The following EGFLAM variants were observed in gnomAD, a reference collection of about 807,000 sequenced individuals.
EGFLAM encodes the protein EGF like, fibronectin type III and laminin G domains, also known as pikachurin.
A neutral mutation model predicts 113.1 loss-of-function variants in EGFLAM; 79 were observed. The observed-to-expected ratio is 0.70, with a 90% CI of 0.58 to 0.84. The LOEUF is 0.84. Among genes scored for constraint, EGFLAM ranks in the 40% least tolerant of loss-of-function variants. The pLI, the probability that EGFLAM is intolerant of heterozygous loss-of-function variation, is 0.00. For missense variants in EGFLAM, 1,265 were observed against 1,291.6 expected (o/e 0.98, Z 0.32); for synonymous variants, 504 against 487.6 (o/e 1.03, Z -0.44).
chr5:38,342,106 A>G (rs73073484), intron 3 of EGFLAM, among the ~76,000 whole-genome samples: 3,463 of 152,262 alleles, frequency 0.023, 140 homozygotes, highest in African/African-American at 0.079. Context: ...AGGCTCAGTG[A>G]AGAGTGCCTA....
chr5:38,287,326 C>T (rs754824299), intron 1 of EGFLAM, among the ~76,000 whole-genome samples: 1 of 152,184 alleles, frequency 6.6e-6, no homozygotes, highest in Non-Finnish European at 1.5e-5. Flanking sequence ...CGTATATGTG[C>T]CTAGCACAGA....
At chr5:38,427,301 T>C (rs1268863193) in intron 14 of EGFLAM, 49 bp downstream of exon 14, 1 of 1,591,100 alleles carries the variant, frequency 6.3e-7, no homozygotes, top group South Asian at 1.1e-5. Flanking sequence ...AGGCAAATAG[T>C]AACTGCTTCA....
At chr5:38,414,601 A>G (rs188195693) in intron 11 of EGFLAM, among the ~76,000 whole-genome samples, 155 of 152,354 alleles carry the variant, frequency 1.0e-3, no homozygotes, top group Non-Finnish European at 3.7e-4. Flanking sequence ...CGAGAGGATT[A>G]CATTCACATC....
chr5:38,333,614 GT>G (rs1366867701), intron 1 of EGFLAM, among the ~76,000 whole-genome samples: 1 of 152,048 alleles, frequency 6.6e-6, no homozygotes, highest in Non-Finnish European at 1.5e-5. Context: ...TGAGATGTGT[GT>G]TCGTGTCCTT....
At chr5:38,374,851 A>G (rs940658108) in intron 6 of EGFLAM, among the ~76,000 whole-genome samples, 1 of 152,226 alleles carries the variant, frequency 6.6e-6, no homozygotes, top group African/African-American at 2.4e-5. Context: ...AGCAAGATGG[A>G]GTCAGTTAAG....
At chr5:38,261,961 C>T (rs542812262) in intron 1 of EGFLAM, among the ~76,000 whole-genome samples, 1 of 152,298 alleles carries the variant, frequency 6.6e-6, no homozygotes, top group South Asian at 2.1e-4. Context: ...AGGGCCCTGT[C>T]CTTTCCCCAG....
intron 1 of EGFLAM, among the ~76,000 whole-genome samples, chr5:38,317,254 A>G (rs2111880609): frequency 6.6e-6 from 1 of 152,362 alleles, no homozygotes; most frequent in East Asian, 1.9e-4. Context: ...CTGAGAAGGC[A>G]GAGATCCGCA....
chr5:38,375,516 C>T (rs1202153752), intron 6 of EGFLAM, among the ~76,000 whole-genome samples: 4 of 152,224 alleles, frequency 2.6e-5, no homozygotes, highest in Non-Finnish European at 4.4e-5. Flanking sequence ...ACACAGGCCA[C>T]TCCCTGGGGT....
In EGFLAM at chr5:38,370,489, C is replaced by A. The variant is rs745405058; in HGVS notation, c.712+27C>A. 1.1e-5 allele frequency: 18 copies of A among 1,605,390 alleles called. No homozygotes were observed. The Admixed American group carries it at 2.9e-4, about 25-fold the overall frequency. ...TGAGTACCAGGGTCCTTCTGAGGGA[C>A]CAAGGGAGCTGCATATCTGGGCTTG... On this transcript the variant is annotated intron_variant, in intron 6 of 21. Transcript: ENST00000322350.
chr5:38,406,350 A>G (rs1741284467), intron 7 of EGFLAM, 109 bp downstream of exon 7: 2 of 939,208 alleles, frequency 2.1e-6, no homozygotes, highest in Middle Eastern at 2.3e-4. Context: ...AAATGTGCCC[A>G]TTTGCTTTTA....
chr5:38,308,547 T>C (rs7727944), intron 1 of EGFLAM, among the ~76,000 whole-genome samples: 2,007 of 152,316 alleles, frequency 0.013, 42 homozygotes, highest in African/African-American at 0.045. Flanking sequence ...TACTTAAACT[T>C]TCTTGGGTTT....
At chr5:38,382,964 G>A (rs1356478928) in intron 6 of EGFLAM, among the ~76,000 whole-genome samples, 4 of 152,288 alleles carry the variant, frequency 2.6e-5, no homozygotes, top group African/African-American at 9.6e-5. Flanking sequence ...GAGTGCAGGG[G>A]CATGCCAGCC....
At chr5:38,269,082 G>A (rs1439924027) in intron 1 of EGFLAM, among the ~76,000 whole-genome samples, 1 of 152,156 alleles carries the variant, frequency 6.6e-6, no homozygotes, top group East Asian at 1.9e-4. Flanking sequence ...AGGAGGCTGA[G>A]GTGGGAGGAT....
chr5:38,365,028 T>A (rs531212041), intron 5 of EGFLAM, among the ~76,000 whole-genome samples: 1 of 152,230 alleles, frequency 6.6e-6, no homozygotes, highest in Non-Finnish European at 1.5e-5. Flanking sequence ...GCCTCTATGG[T>A]CAAGGCTATT....
At chr5:38,434,005 T>C (rs1470566317) in intron 15 of EGFLAM, among the ~76,000 whole-genome samples, 1 of 152,204 alleles carries the variant, frequency 6.6e-6, no homozygotes, top group Non-Finnish European at 1.5e-5. Flanking sequence ...CTGTCTTGTC[T>C]TCTCTACCCT....
Position 38,438,274 on chromosome 5 carries a change from G to C in EGFLAM, c.2284-1G>C. ...ATTTCTTTATGTTTTTCTCTCTCAA[G>C]ATCATCCTGAATGACCGAACCATCC... On this transcript the variant is annotated splice_acceptor_variant, in intron 16 of 21. Coordinates refer to ENST00000322350, the MANE Select transcript of EGFLAM (RefSeq NM_152403.4). LOFTEE classifies it high-confidence loss of function. The C allele has an allele frequency of 6.2e-7, 1 of 1,611,238 alleles. No homozygotes were observed. The highest frequency in any genetic ancestry group is 8.5e-7 in the Non-Finnish European group (1 of 1,178,472).
At chr5:38,397,678 C>G (rs1403251387) in intron 6 of EGFLAM, among the ~76,000 whole-genome samples, 1 of 152,138 alleles carries the variant, frequency 6.6e-6, no homozygotes, top group Non-Finnish European at 1.5e-5. Flanking sequence ...TGCTGCAGCT[C>G]CAGCTATCAC....
intron 6 of EGFLAM, among the ~76,000 whole-genome samples, chr5:38,397,793 C>A (rs1741000158): frequency 1.3e-5 from 2 of 151,706 alleles, no homozygotes; most frequent in South Asian, 4.2e-4. Context: ...CCTACCCCCA[C>A]CCCATGAGCA....
chr5:38,463,564 T>C (rs558746515), intron 21 of EGFLAM, among the ~76,000 whole-genome samples: 103 of 152,360 alleles, frequency 6.8e-4, no homozygotes, highest in Middle Eastern at 3.4e-3. Context: ...AGGTGGTCAG[T>C]TGGGCCAGAA....
Sources: allele counts gnomAD v4.1 joint callset (sites outside exome capture counted in the v4.1 genomes callset), GRCh38; gene constraint gnomAD v4.1.1; transcripts MANE v1.5; gene names NCBI Gene and HGNC (gene_info 2026-07-23, HGNC 2026-07-21).